SH2D4B: variants seen among roughly 807,000 people sequenced by gnomAD.
SH2D4B encodes the protein SH2 domain containing 4B.
A neutral mutation model predicts 61.5 loss-of-function variants in SH2D4B; 45 were observed. The ratio of observed to expected loss-of-function variants is 0.73; its 90% CI spans 0.58 to 0.94. The LOEUF is 0.94. Among genes scored for constraint, SH2D4B ranks in the 40% least tolerant of loss-of-function variants. The probability of loss-of-function intolerance (pLI) is 0.00; values close to 1 mark genes in which losing one functional copy is unlikely to be tolerated. For synonymous variants in SH2D4B, 224 were observed against 220.4 expected (o/e 1.02, Z -0.14); for missense variants, 572 against 574.2 (o/e 1.00, Z 0.04).
At chr10:80,620,991 T>C (rs563087726) in intron 6 of SH2D4B, among the ~76,000 whole-genome samples, 1 of 152,384 alleles carries the variant, frequency 6.6e-6, no homozygotes, top group East Asian at 1.9e-4. Flanking sequence ...ATTTTGATAA[T>C]TTTTAAATAA....
intron 1 of SH2D4B, among the ~76,000 whole-genome samples, chr10:80,559,089 C>T (rs1841873291): frequency 6.6e-6 from 1 of 151,476 alleles, no homozygotes; most frequent in African/African-American, 2.4e-5. Flanking sequence ...TTAGGTATGC[C>T]AGGCAGTTTC....
intron 6 of SH2D4B, among the ~76,000 whole-genome samples, chr10:80,631,353 A>C (rs1263276297): frequency 6.6e-6 from 1 of 152,144 alleles, no homozygotes; most frequent in Non-Finnish European, 1.5e-5. Context: ...GGCTCATGTG[A>C]TTCTCTCACC....
At chr10:80,612,849 A>G (rs1842617474) in intron 6 of SH2D4B, among the ~76,000 whole-genome samples, 1 of 152,192 alleles carries the variant, frequency 6.6e-6, no homozygotes, top group Non-Finnish European at 1.5e-5. Flanking sequence ...TGTTATCCAA[A>G]CAGCAAATAG....
intron 5 of SH2D4B, among the ~76,000 whole-genome samples, chr10:80,606,420 C>T (rs1291349739): frequency 6.6e-6 from 1 of 152,082 alleles, no homozygotes; most frequent in African/African-American, 2.4e-5. Context: ...GATCCTGGCT[C>T]ACTGCAACCT....
chr10:80,545,122 G>A (rs1841654744), intron 1 of SH2D4B, among the ~76,000 whole-genome samples: 1 of 152,118 alleles, frequency 6.6e-6, no homozygotes, highest in African/African-American at 2.4e-5. Context: ...TACCATTTTA[G>A]CCATTTAAAG....
intron 3 of SH2D4B, among the ~76,000 whole-genome samples, chr10:80,582,782 T>C (rs7914989): frequency 0.011 from 1,702 of 152,280 alleles, 32 homozygotes; most frequent in African/African-American, 0.038. Flanking sequence ...CTGTGAAGCA[T>C]GGGGCTCAGG....
intron 1 of SH2D4B, among the ~76,000 whole-genome samples, chr10:80,560,186 A>G (rs1841886028): frequency 6.6e-6 from 1 of 151,490 alleles, no homozygotes; most frequent in Non-Finnish European, 1.5e-5. Context: ...ACGGGGTTTC[A>G]CCATGTTAGC....
chr10:80,597,019 C>CA (rs1451319861), intron 4 of SH2D4B, among the ~76,000 whole-genome samples: 6 of 152,150 alleles, frequency 3.9e-5, no homozygotes, highest in Non-Finnish European at 7.3e-5. Context: ...TACAGTATAG[C>CA]AACTATTTAC....
chr10:80,599,261 G>T (rs1307564630), intron 4 of SH2D4B, among the ~76,000 whole-genome samples: 2 of 152,036 alleles, frequency 1.3e-5, no homozygotes, highest in African/African-American at 4.8e-5. Flanking sequence ...AGAATTTTGG[G>T]CTGGGAGGAC....
intron 4 of SH2D4B, among the ~76,000 whole-genome samples, chr10:80,589,032 C>G (rs1842295028): frequency 6.7e-6 from 1 of 149,954 alleles, no homozygotes; most frequent in Non-Finnish European, 1.5e-5. Context: ...GAGACGAAGT[C>G]TTGCTCTGTC....
chr10:80,600,255 T>C (rs934230043), intron 4 of SH2D4B, among the ~76,000 whole-genome samples: 1 of 152,244 alleles, frequency 6.6e-6, no homozygotes, highest in Admixed American at 6.5e-5. Flanking sequence ...TATTATAGGA[T>C]GGTTCATTAA....
At chr10:80,621,333 TCTC>T (rs1333629375) in intron 6 of SH2D4B, among the ~76,000 whole-genome samples, 2 of 152,354 alleles carry the variant, frequency 1.3e-5, no homozygotes, top group South Asian at 2.1e-4. Context: ...TTTATCTACA[TCTC>T]CTTCAGACTT....
chr10:80,623,777 C>T (rs1051741293), intron 6 of SH2D4B, among the ~76,000 whole-genome samples: 2 of 152,162 alleles, frequency 1.3e-5, no homozygotes, highest in East Asian at 3.8e-4. Flanking sequence ...AGCATCATGC[C>T]ATTAGATGCA....
intron 6 of SH2D4B, among the ~76,000 whole-genome samples, chr10:80,623,403 G>A (rs1004523875): frequency 5.3e-5 from 8 of 152,138 alleles, no homozygotes; most frequent in Non-Finnish European, 1.2e-4. Flanking sequence ...TGCTTCATAA[G>A]GAGCCTAATT....
chr10:80,589,895 C>T (rs562444186), intron 4 of SH2D4B, among the ~76,000 whole-genome samples: 492 of 152,138 alleles, frequency 3.2e-3, no homozygotes, highest in Non-Finnish European at 4.4e-3. Flanking sequence ...GTGTCAGGTT[C>T]GCAAGAAGCT....
chr10:80,583,642 C>T (rs1423083838), intron 3 of SH2D4B, among the ~76,000 whole-genome samples: 1 of 151,960 alleles, frequency 6.6e-6, no homozygotes, highest in Non-Finnish European at 1.5e-5. Flanking sequence ...TGTACTCCAG[C>T]CTGGGTGACA....
chr10:80,588,796 T>C lies in SH2D4B; in HGVS notation c.643+19T>C. On this transcript the variant is annotated intron_variant, in intron 4 of 7. Transcript: ENST00000646907. ...GAACAGTGTGAGTAGAGCTTGTGCC[T>C]CAGGCAGGGAGACCAGTCCCGCCTC... 6.2e-7 allele frequency: 1 copy of C among 1,613,192 alleles called. No individual in the cohort carries two copies.
chr10:80,623,528 T>C (rs1309573081), intron 6 of SH2D4B, among the ~76,000 whole-genome samples: 1 of 152,224 alleles, frequency 6.6e-6, no homozygotes, highest in Non-Finnish European at 1.5e-5. Flanking sequence ...GCACAGACCA[T>C]AGCAAGGCTC....
intron 7 of SH2D4B, 25 bp downstream of exon 7, chr10:80,634,530 G>T (rs7917741): frequency 6.2e-5 from 96 of 1,545,246 alleles, no homozygotes; most frequent in South Asian, 4.2e-4. Context: ...GATACTAATG[G>T]GGGGGAGGGG....
Sources: gnomAD v4.1 joint callset for allele counts (sites outside exome capture counted in the v4.1 genomes callset) on GRCh38, gnomAD v4.1.1 for gene constraint, MANE v1.5 for transcripts, NCBI Gene and HGNC (gene_info 2026-07-23, HGNC 2026-07-21) for gene names.